BLOC1S5: variants seen among roughly 807,000 people sequenced by gnomAD.
The protein encoded by BLOC1S5 is biogenesis of lysosome-related organelles complex 1 subunit 5.
A neutral mutation model predicts 24.3 loss-of-function variants in BLOC1S5; 27 were observed. The ratio of observed to expected loss-of-function variants is 1.11; its 90% CI spans 0.82 to 1.53. The LOEUF (loss-of-function observed/expected upper bound fraction) is 1.53, where lower values mean the gene tolerates loss of function less well. Among genes scored for constraint, BLOC1S5 ranks in the 40% most tolerant of loss-of-function variants. The pLI, the probability that BLOC1S5 is intolerant of heterozygous loss-of-function variation, is 0.00. For missense variants in BLOC1S5, 239 were observed against 229.4 expected (o/e 1.04, Z -0.27); for synonymous variants, 84 against 74.5 (o/e 1.13, Z -0.66).
chr6:8,023,194 T>C (rs945240539), intron 4 of BLOC1S5, among the ~76,000 whole-genome samples: 8 of 152,228 alleles, frequency 5.3e-5, no homozygotes, highest in African/African-American at 1.9e-4. Context: ...CTATTGCTAA[T>C]ACCCAAAATG....
At position 8,052,493 on chromosome 6, in the gene BLOC1S5, G is replaced by C. The variant is rs536490097; in HGVS notation, c.195+10041C>G. 1.7e-4 allele frequency among the ~76,000 whole-genome samples: 26 copies of C among 152,260 alleles called. No individual in the cohort carries two copies. The South Asian group carries it at 5.2e-3, about 30-fold the overall frequency. On this transcript the variant is annotated intron_variant, in intron 2 of 4. Transcript: ENST00000397457. ...AAGTATCAACATTAACAGGAGTTTG[G>C]AAGAAGTTGATTCCAACCCTCATGG...
chr6:8,019,106 C>T lies in BLOC1S5; in HGVS notation c.385-3278G>A, dbSNP rs116553648. Among the ~76,000 whole-genome samples the T allele has an allele frequency of 4.6e-5, 7 of 152,368 alleles. No homozygotes were observed. The South Asian group carries it at 1.2e-3, about 27-fold the overall frequency. On this transcript the variant is annotated intron_variant, in intron 4 of 4. Coordinates refer to ENST00000397457, the MANE Select transcript of BLOC1S5 (RefSeq NM_201280.3). ...AGTAGCCTGTTCACATCAGGCATAT[C>T]GCTTATTGGCCTTGTAGGCCGAGTG...
intron 4 of BLOC1S5, among the ~76,000 whole-genome samples, chr6:8,024,127 C>G (rs1364719386): frequency 3.3e-5 from 5 of 151,910 alleles, no homozygotes; most frequent in African/African-American, 4.8e-5. Flanking sequence ...ACAGACTTAC[C>G]AACTTCTGGT....
At chr6:8,036,931 A>G (rs1305280765) in intron 3 of BLOC1S5, among the ~76,000 whole-genome samples, 1 of 152,236 alleles carries the variant, frequency 6.6e-6, no homozygotes, top group African/African-American at 2.4e-5. Flanking sequence ...AGCATTTGAT[A>G]AAATCCAACT....
intron 2 of BLOC1S5, chr6:8,041,957 A>G (rs987304088): frequency 6.6e-6 from 1 of 152,204 alleles, no homozygotes; most frequent in African/African-American, 2.4e-5. Context: ...AAATCTTAGT[A>G]ATTACTTTCT....
At chr6:8,032,252 T>A (rs140876443) in intron 3 of BLOC1S5, among the ~76,000 whole-genome samples, 1 of 152,158 alleles carries the variant, frequency 6.6e-6, no homozygotes, top group African/African-American at 2.4e-5. Flanking sequence ...TACAAAGAAT[T>A]CAAACAAATC....
At position 8,015,370 on chromosome 6, in the gene BLOC1S5, A is replaced by G. The variant is rs919207142; in HGVS notation, c.*279T>C. 5.2e-5 allele frequency: 17 copies of G among 329,908 alleles called. No homozygotes were observed. The highest frequency in any genetic ancestry group is 3.6e-4 in the African/African-American group (17 of 47,306). 20.4% of individuals were successfully genotyped at this position (329,908 alleles called of 1,614,324 possible). A position where few individuals can be genotyped will look rare whatever the true frequency, so the allele number is the denominator to read the frequency against. ...TTCTCTGAGCTAATCAATGGAAAAG[A>G]TGATCAATTCTGACTAACAAAGAGT... On this transcript the variant is annotated 3_prime_UTR_variant, in exon 5 of 5. Transcript: ENST00000397457.
chr6:8,043,180 C>G (rs1034387138), intron 2 of BLOC1S5, among the ~76,000 whole-genome samples: 1 of 152,128 alleles, frequency 6.6e-6, no homozygotes, highest in Non-Finnish European at 1.5e-5. Flanking sequence ...GAAAATAGAG[C>G]AAAACCACCC....
chr6:8,034,839 A>G (rs1159476647), intron 3 of BLOC1S5, among the ~76,000 whole-genome samples: 1 of 152,178 alleles, frequency 6.6e-6, no homozygotes, highest in Non-Finnish European at 1.5e-5. Context: ...ACACTTGCAC[A>G]TGCATGTTTA....
At chr6:8,037,921 A>G (rs1295482224) in intron 3 of BLOC1S5, among the ~76,000 whole-genome samples, 1 of 152,222 alleles carries the variant, frequency 6.6e-6, no homozygotes, top group Non-Finnish European at 1.5e-5. Flanking sequence ...ACTGGATATC[A>G]GTATGACTGG....
At chr6:8,024,618 T>C (rs946249193) in intron 4 of BLOC1S5, among the ~76,000 whole-genome samples, 31 of 152,128 alleles carry the variant, frequency 2.0e-4, no homozygotes, top group African/African-American at 7.5e-4. Context: ...ACAGCACTTT[T>C]CAATTTGCAA....
chr6:8,064,351 G>C lies in BLOC1S5; in HGVS notation c.26C>G (p.Pro9Arg), dbSNP rs112566299. The change falls in exon 1 of 5, where the codon CCT becomes CGT. Residue 9 changes from proline to arginine, a missense_variant. Physicochemically the swap from Pro to Arg is moderately radical, Grantham distance 103. Transcript: ENST00000397457. The stretch of plus-strand genomic sequence containing the variant: ...GCCCGGGGCGGCCTCACAACCCACA[G>C]GGGTCTCTGTCCCTCCGCCACTCAT... Reference protein sequence around the residue: MSGGGTETPVGCEAAPGGG... With the variant: MSGGGTETRVGCEAAPGGG... 1 of 1,611,982 alleles carries C rather than the reference G, an allele frequency of 6.2e-7. No individual in the cohort carries two copies. Among genetic ancestry groups the C allele is most frequent in the South Asian group, 1.1e-5 (1 of 91,054 alleles).
chr6:8,035,793 T>C (rs142125820), intron 3 of BLOC1S5, among the ~76,000 whole-genome samples: 1 of 152,248 alleles, frequency 6.6e-6, no homozygotes, highest in Non-Finnish European at 1.5e-5. Flanking sequence ...CGCAGGAGAC[T>C]TCAACATCCC....
chr6:8,039,799 T>G (rs2113558624), intron 3 of BLOC1S5, among the ~76,000 whole-genome samples: 1 of 152,252 alleles, frequency 6.6e-6, no homozygotes, highest in South Asian at 2.1e-4. Context: ...GTCCTGAGCT[T>G]ACAGGACTCA....
At chr6:8,032,646 GAAAT>G (rs2113542618) in intron 3 of BLOC1S5, among the ~76,000 whole-genome samples, 1 of 152,260 alleles carries the variant, frequency 6.6e-6, no homozygotes, top group African/African-American at 2.4e-5. Context: ...GCACGAGAAA[GAAAT>G]AAAGGGTATT....
At chr6:8,026,053 G>T (rs572205586) in intron 4 of BLOC1S5, among the ~76,000 whole-genome samples, 1 of 152,302 alleles carries the variant, frequency 6.6e-6, no homozygotes, top group South Asian at 2.1e-4. Context: ...TCAGAGGAAA[G>T]ATTTATATCT....
chr6:8,056,545 C>T (rs1196769093), intron 2 of BLOC1S5, among the ~76,000 whole-genome samples: 2 of 152,138 alleles, frequency 1.3e-5, no homozygotes, highest in African/African-American at 2.4e-5. Context: ...CTGGAAGAAT[C>T]GAGAGAGTAG....
chr6:8,038,946 C>T (rs1238700984), intron 3 of BLOC1S5, among the ~76,000 whole-genome samples: 1 of 152,156 alleles, frequency 6.6e-6, no homozygotes, highest in African/African-American at 2.4e-5. Context: ...ACCATATGAT[C>T]CAGCAATTCC....
At chr6:8,034,638 G>C (rs1322187718) in intron 3 of BLOC1S5, among the ~76,000 whole-genome samples, 2 of 152,002 alleles carry the variant, frequency 1.3e-5, no homozygotes, top group Admixed American at 6.6e-5. Flanking sequence ...AATAAAAAAA[G>C]AATTGATGTT....
Sources: gnomAD v4.1 joint callset for allele counts (sites outside exome capture counted in the v4.1 genomes callset) on GRCh38, gnomAD v4.1.1 for gene constraint, MANE v1.5 for transcripts, NCBI Gene and HGNC (gene_info 2026-07-23, HGNC 2026-07-21) for gene names.